Variants in UPRT observed in about 807,000 individuals in gnomAD.
UPRT encodes uracil phosphoribosyltransferase homolog, also known as RP11-311P8.3.
In UPRT, 5 loss-of-function variants were observed where a neutral mutation model predicts 22.6. The ratio of observed to expected loss-of-function variants is 0.22; its 90% CI spans 0.12 to 0.47. UPRT has a LOEUF of 0.47. Among genes scored for constraint, UPRT ranks in the 20% least tolerant of loss-of-function variants. The probability of loss-of-function intolerance (pLI) is 0.99; values close to 1 mark genes in which losing one functional copy is unlikely to be tolerated. For synonymous variants in UPRT, 77 were observed against 87.7 expected (o/e 0.88, Z 0.68); for missense variants, 181 against 239.9 (o/e 0.75, Z 1.62).
At chrX:75,291,112 A>G in intron 1 of UPRT, among the ~76,000 whole-genome samples, 1 of 111,792 alleles carries the variant, frequency 8.9e-6, no homozygotes, top group Middle Eastern at 4.6e-3. Flanking sequence ...GGAGGTGTCA[A>G]GAAAAGTGGG....
At chrX:75,257,713 A>C (rs950231402) in intron 4 of UPRT, among the ~76,000 whole-genome samples, 4 of 111,692 alleles carry the variant, frequency 3.6e-5, no homozygotes, top group Non-Finnish European at 7.5e-5. Flanking sequence ...TCTTATATAC[A>C]CCAACAGCAA....
At chrX:75,214,213 C>T (rs2082386820) in intron 4 of UPRT, among the ~76,000 whole-genome samples, 1 of 112,381 alleles carries the variant, frequency 8.9e-6, no homozygotes. Context: ...AATCAAACAA[C>T]AGACTTCTAA....
intron 4 of UPRT, among the ~76,000 whole-genome samples, chrX:75,214,956 AACACACACACACAC>A (rs56673150): frequency 3.0e-5 from 3 of 99,037 alleles, no homozygotes; most frequent in South Asian, 4.4e-4. Flanking sequence ...AAGTATTCTC[AACACACACACACAC>A]ACACACACAC....
intron 4 of UPRT, among the ~76,000 whole-genome samples, chrX:75,186,040 T>C (rs1179845936): frequency 8.9e-6 from 1 of 111,745 alleles, no homozygotes; most frequent in African/African-American, 3.3e-5. Flanking sequence ...GCTCTGATTT[T>C]AGTTATTTCT....
intron 4 of UPRT, among the ~76,000 whole-genome samples, chrX:75,180,681 GTTTTTTTTTTTTTGTTTTT>G (rs1334121415): frequency 2.3e-5 from 1 of 43,895 alleles, no homozygotes; most frequent in Non-Finnish European, 3.8e-5. Context: ...CCTTTTCTCT[GTTTTTTTTTTTTTGTTTTT>G]TTTTTTTTTT....
At chrX:75,233,494 C>T (rs2082447437) in intron 4 of UPRT, among the ~76,000 whole-genome samples, 1 of 109,782 alleles carries the variant, frequency 9.1e-6, no homozygotes, top group Non-Finnish European at 1.9e-5. Context: ...TCAGATTCAC[C>T]AAAGTTGAAA....
Position 75,203,506 on chromosome X carries a change from ACACACACACT to A in UPRT, c.-447+35637_-447+35646del, listed in dbSNP as rs1368439100. On this transcript the variant is annotated intron_variant, in intron 4 of 13. Coordinates refer to the UPRT transcript ENST00000652605. ...GACACACACACACACACACACACAC[ACACACACACT>A]CACACACACACACACACACACACAC... 4.0e-4 allele frequency among the ~76,000 whole-genome samples: 41 copies of A among 101,923 alleles called. 1 individual carries two copies. The highest frequency in any genetic ancestry group is 1.6e-3 in the African/African-American group (38 of 23,991). 88.5% of individuals were successfully genotyped at this position (101,923 alleles called of 115,157 possible).
At chrX:75,273,567 C>T (rs988685133), upstream of UPRT, among the ~76,000 whole-genome samples, 10 of 111,005 alleles carry the variant, frequency 9.0e-5, no homozygotes, top group Admixed American at 8.6e-4. Flanking sequence ...TCTGAAATGC[C>T]GCCTGAGTCC....
At chrX:75,165,023 C>T (rs920387780) in intron 3 of UPRT, among the ~76,000 whole-genome samples, 2 of 109,608 alleles carry the variant, frequency 1.8e-5, no homozygotes, top group African/African-American at 6.7e-5. Context: ...AACTTTGCAA[C>T]CAAGGCAAGA....
At chrX:75,259,633 A>G (rs1419186401) in intron 4 of UPRT, among the ~76,000 whole-genome samples, 3 of 111,060 alleles carry the variant, frequency 2.7e-5, no homozygotes, top group East Asian at 2.9e-4. Context: ...TCTACATTTA[A>G]TTGGTGTACC....
At chrX:75,180,650 C>T (rs1426572172) in intron 4 of UPRT, among the ~76,000 whole-genome samples, 1 of 98,380 alleles carries the variant, frequency 1.0e-5, no homozygotes, top group African/African-American at 3.9e-5. Flanking sequence ...GCTAGTCCTG[C>T]TTCCTGTCTT....
chrX:75,191,492 T>A (rs2082314972), intron 4 of UPRT, among the ~76,000 whole-genome samples: 1 of 110,538 alleles, frequency 9.0e-6, no homozygotes, highest in Non-Finnish European at 1.9e-5. Context: ...TTCACAGCTG[T>A]CAGACAGGAA....
chrX:75,208,485 TAG>T (rs1291920112), intron 4 of UPRT, among the ~76,000 whole-genome samples: 2 of 111,640 alleles, frequency 1.8e-5, no homozygotes, highest in African/African-American at 6.5e-5. Flanking sequence ...TTTGGGAAGC[TAG>T]ATTTAAGGGA....
upstream of UPRT, among the ~76,000 whole-genome samples, chrX:75,270,772 G>A (rs951831450): frequency 1.8e-5 from 2 of 111,480 alleles, no homozygotes; most frequent in South Asian, 3.8e-4. Flanking sequence ...GGATGCTAGG[G>A]GAGGGATAGC....
intron 1 of UPRT, chrX:75,291,578 G>A (rs2082707869): frequency 5.8e-6 from 1 of 171,306 alleles, no homozygotes; most frequent in African/African-American, 3.2e-5. Context: ...CCTGCTTTAT[G>A]AAGCTCTAGT....
At chrX:75,215,843 A>G (rs1442399055) in intron 4 of UPRT, among the ~76,000 whole-genome samples, 4 of 111,439 alleles carry the variant, frequency 3.6e-5, no homozygotes, top group South Asian at 3.7e-4. Context: ...ATTTAAAGAA[A>G]TACTAAAAAT....
chrX:75,179,932 G>A (rs1032218185), intron 4 of UPRT, among the ~76,000 whole-genome samples: 1 of 112,869 alleles, frequency 8.9e-6, no homozygotes, highest in Non-Finnish European at 1.9e-5. Context: ...GAGGGAGTGG[G>A]CTCCAGCCTT....
chrX:75,182,730 C>A (rs934577677), intron 4 of UPRT, among the ~76,000 whole-genome samples: 1 of 111,514 alleles, frequency 9.0e-6, no homozygotes, highest in African/African-American at 3.3e-5. Context: ...TTATTTGGAT[C>A]ATCTCTGTTT....
intron 4 of UPRT, among the ~76,000 whole-genome samples, chrX:75,214,366 G>C (rs1020188225): frequency 1.8e-5 from 2 of 112,840 alleles, no homozygotes; most frequent in Non-Finnish European, 3.7e-5. Context: ...ATGGATGAGT[G>C]TGGAGGATAA....
Sources: gnomAD v4.1 joint callset for allele counts (sites outside exome capture counted in the v4.1 genomes callset) on GRCh38, gnomAD v4.1.1 for gene constraint, MANE v1.5 for transcripts, NCBI Gene and HGNC (gene_info 2026-07-23, HGNC 2026-07-21) for gene names.